CHCHD3: variants seen among roughly 807,000 people sequenced by gnomAD.
The protein encoded by CHCHD3 is coiled-coil-helix-coiled-coil-helix domain containing 3.
Under a neutral mutation model 38.2 loss-of-function variants are expected in CHCHD3, and 20 were observed. The observed-to-expected ratio is 0.52, with a 90% CI of 0.37 to 0.76. The LOEUF is 0.76. Among genes scored for constraint, CHCHD3 ranks in the 30% least tolerant of loss-of-function variants. The pLI, the probability that CHCHD3 is intolerant of heterozygous loss-of-function variation, is 0.00. For synonymous variants in CHCHD3, 82 were observed against 100.0 expected, an observed-to-expected ratio of 0.82 and a Z score of 1.07; for missense variants, 245 against 279.2, an observed-to-expected ratio of 0.88 and a Z score of 0.87.
intron 5 of CHCHD3, among the ~76,000 whole-genome samples, chr7:132,846,454 A>T (rs974509159): frequency 6.6e-6 from 1 of 152,216 alleles, no homozygotes; most frequent in African/African-American, 2.4e-5. Context: ...TTAAGCCACT[A>T]AGTTTGTGGT....
chr7:132,814,858 CTTG>C (rs1354760832), intron 6 of CHCHD3, among the ~76,000 whole-genome samples: 6 of 152,124 alleles, frequency 3.9e-5, no homozygotes, highest in African/African-American at 1.4e-4. Flanking sequence ...AAATTTTAGA[CTTG>C]TTGGCCTAAT....
chr7:133,036,037 A>T, intron 2 of CHCHD3: 1 of 751,108 alleles, frequency 1.3e-6, no homozygotes, highest in Non-Finnish European at 2.3e-6. Context: ...CTCCATAAAT[A>T]GTAACATCCA....
intron 3 of CHCHD3, among the ~76,000 whole-genome samples, chr7:133,004,348 C>T (rs1483904655): frequency 6.6e-6 from 1 of 152,168 alleles, no homozygotes; most frequent in Non-Finnish European, 1.5e-5. Context: ...TTCCATATAT[C>T]TTATCAGTCA....
At chr7:133,065,628 T>C (rs1402862178) in intron 2 of CHCHD3, among the ~76,000 whole-genome samples, 1 of 152,248 alleles carries the variant, frequency 6.6e-6, no homozygotes, top group Non-Finnish European at 1.5e-5. Flanking sequence ...GACATTTTTA[T>C]CAATACATTT....
chr7:132,840,712 A>C (rs1807918467), intron 5 of CHCHD3, among the ~76,000 whole-genome samples: 1 of 152,228 alleles, frequency 6.6e-6, no homozygotes, highest in African/African-American at 2.4e-5. Context: ...GAGGAAAATA[A>C]TTAGGGTAAT....
At chr7:133,017,992 C>T (rs537048924) in intron 3 of CHCHD3, among the ~76,000 whole-genome samples, 23 of 152,216 alleles carry the variant, frequency 1.5e-4, no homozygotes, top group South Asian at 1.0e-3. Context: ...GTGGCTAGGA[C>T]GTGTTCCTAC....
intron 6 of CHCHD3, among the ~76,000 whole-genome samples, chr7:132,817,685 A>G (rs1379923748): frequency 6.6e-6 from 1 of 152,104 alleles, no homozygotes; most frequent in Non-Finnish European, 1.5e-5. Flanking sequence ...TCAATTTCTT[A>G]ATGGTTCTCT....
chr7:132,851,947 T>C (rs1357059878), intron 5 of CHCHD3, among the ~76,000 whole-genome samples: 1 of 152,118 alleles, frequency 6.6e-6, no homozygotes, highest in Admixed American at 6.6e-5. Flanking sequence ...TAACAAACTC[T>C]CTTGTGCTTG....
chr7:132,807,427 C>T (rs892657027), intron 6 of CHCHD3, among the ~76,000 whole-genome samples: 2 of 151,822 alleles, frequency 1.3e-5, no homozygotes, highest in African/African-American at 2.4e-5. Flanking sequence ...TACTTCCAGC[C>T]CAAGTCCTTT....
intron 4 of CHCHD3, among the ~76,000 whole-genome samples, chr7:132,905,941 G>A (rs1809793864): frequency 6.6e-6 from 1 of 152,164 alleles, no homozygotes; most frequent in African/African-American, 2.4e-5. Flanking sequence ...AAATAACCAA[G>A]ACACGTAACT....
chr7:132,921,194 G>C (rs1254045403), intron 4 of CHCHD3, among the ~76,000 whole-genome samples: 1 of 152,020 alleles, frequency 6.6e-6, no homozygotes. Context: ...GTAAATTATG[G>C]CTCCAATTTA....
chr7:132,807,606 A>AATAT (rs55835343), intron 6 of CHCHD3, among the ~76,000 whole-genome samples: 5,571 of 108,420 alleles, frequency 0.051, 239 homozygotes, highest in Non-Finnish European at 0.073. Flanking sequence ...CATACACATA[A>AATAT]ATATATATAT....
At chr7:132,843,405 C>A (rs972434360) in intron 5 of CHCHD3, among the ~76,000 whole-genome samples, 11 of 151,938 alleles carry the variant, frequency 7.2e-5, no homozygotes, top group Admixed American at 2.0e-4. Flanking sequence ...TAGAACAATG[C>A]GAGAATAATA....
intron 5 of CHCHD3, among the ~76,000 whole-genome samples, chr7:132,847,114 T>C (rs570544207): frequency 6.6e-6 from 1 of 152,316 alleles, no homozygotes; most frequent in African/African-American, 2.4e-5. Context: ...AGGTAGCTAC[T>C]GCACCTGCAG....
intron 2 of CHCHD3, among the ~76,000 whole-genome samples, chr7:133,064,120 A>G (rs897592927): frequency 6.6e-6 from 1 of 152,210 alleles, no homozygotes; most frequent in African/African-American, 2.4e-5. Context: ...ACTAGTACTC[A>G]TTCACTACAC....
At position 133,006,831 on chromosome 7, in the gene CHCHD3, C is replaced by T. The variant is rs560579317; in HGVS notation, c.251+17715G>A. Reference sequence around the variant, plus strand: ...ACATTCTGAACCATTTATTTGGAACCGTAAATGTCTAATAGTGAACTACAA... The same window carrying T: ...ACATTCTGAACCATTTATTTGGAACTGTAAATGTCTAATAGTGAACTACAA... On this transcript the variant is annotated intron_variant, in intron 3 of 7. Transcript: ENST00000262570. Among the ~76,000 whole-genome samples, 19 of 152,114 alleles carry T rather than the reference C, an allele frequency of 1.2e-4. 1 individual carries two copies. Among genetic ancestry groups the T allele is most frequent in the Admixed American group, 2.6e-4 (4 of 15,288 alleles).
intron 6 of CHCHD3, among the ~76,000 whole-genome samples, chr7:132,816,807 A>G (rs950138541): frequency 2.5e-4 from 38 of 152,340 alleles, no homozygotes; most frequent in African/African-American, 8.4e-4. Flanking sequence ...TAACTAATGC[A>G]TGCTTCTGCT....
At chr7:132,879,226 T>C (rs1408025187) in intron 5 of CHCHD3, among the ~76,000 whole-genome samples, 1 of 152,140 alleles carries the variant, frequency 6.6e-6, no homozygotes, top group Non-Finnish European at 1.5e-5. Context: ...TATCTTCATA[T>C]TTAAGAATGC....
chr7:132,969,637 A>G (rs1364617756), intron 4 of CHCHD3, among the ~76,000 whole-genome samples: 3 of 152,206 alleles, frequency 2.0e-5, no homozygotes, highest in African/African-American at 7.2e-5. Flanking sequence ...TCCTAGTAAT[A>G]CTACCTCCCA....
Sources: allele counts gnomAD v4.1 joint callset (sites outside exome capture counted in the v4.1 genomes callset), GRCh38; gene constraint gnomAD v4.1.1; transcripts MANE v1.5; gene names NCBI Gene and HGNC (gene_info 2026-07-23, HGNC 2026-07-21).